LRRIQ1: variants seen among roughly 807,000 people sequenced by gnomAD.
The protein encoded by LRRIQ1 is leucine-rich repeat- and IQ domain-containing protein 1.
A neutral mutation model predicts 211.9 loss-of-function variants in LRRIQ1; 210 were observed. The ratio of observed to expected loss-of-function variants is 0.99; its 90% CI spans 0.89 to 1.11. LRRIQ1 has a LOEUF of 1.11. LRRIQ1 is among the 50% of genes most tolerant of loss of function. The probability of loss-of-function intolerance (pLI) is 0.00; values close to 1 mark genes in which losing one functional copy is unlikely to be tolerated. For missense variants in LRRIQ1, 2,136 were observed against 1,939.5 expected (o/e 1.10, Z -1.90); for synonymous variants, 699 against 650.1 (o/e 1.08, Z -1.14).
rs1880904841 is a variant in LRRIQ1 at position 85,055,579 on chromosome 12, A to G, written c.786A>G (p.Glu262=). 1.3e-6 allele frequency: 2 copies of G among 1,550,278 alleles called. No individual in the cohort carries two copies. The highest frequency in any genetic ancestry group is 1.4e-5 in the African/African-American group (1 of 71,596). The change falls in exon 8 of 27, where the codon GAA becomes GAG. Residue 262 remains glutamate, a synonymous_variant. Coordinates refer to ENST00000393217, the MANE Select transcript of LRRIQ1 (RefSeq NM_001079910.2). ...EYIRNLHLQM[E]EERTRFKDQQ... ...TTAGAAACTTGCATTTACAAATGGA[A>G]GAAGAAAGAACAAGATTTAAAGACC... is the stretch of plus-strand genomic sequence containing the variant.
rs894604222 is a variant in LRRIQ1, at chr12:85,124,690, A to T, written c.4007+171A>T. ...CATTATGTTTTCATGAGGTGCACAA[A>T]TCATTAATTATAGTGCATATTAATT... On this transcript the variant is annotated intron_variant, in intron 17 of 26. Coordinates refer to ENST00000393217, the MANE Select transcript of LRRIQ1 (RefSeq NM_001079910.2). The T allele has an allele frequency of 1.1e-4, 65 of 579,090 alleles. No individual in the cohort carries two copies. The African/African-American group carries it at 1.1e-3, about 10-fold the overall frequency. 35.9% of individuals were successfully genotyped at this position (579,090 alleles called of 1,614,324 possible). A position where few individuals can be genotyped will look rare whatever the true frequency, so the allele number is the denominator to read the frequency against.
intron 11 of LRRIQ1, among the ~76,000 whole-genome samples, chr12:85,075,736 A>C (rs1165764604): frequency 1.3e-5 from 2 of 151,908 alleles, no homozygotes; most frequent in African/African-American, 4.8e-5. Context: ...GTATGGTGGC[A>C]TGCTCCTGCA....
chr12:85,216,138 A>G (rs1379873488), intron 24 of LRRIQ1, among the ~76,000 whole-genome samples: 1 of 152,128 alleles, frequency 6.6e-6, no homozygotes, highest in Non-Finnish European at 1.5e-5. Context: ...CGTCATCTAC[A>G]TTAGGTATTT....
intron 8 of LRRIQ1, among the ~76,000 whole-genome samples, chr12:85,058,660 T>C (rs1228651171): frequency 2.0e-5 from 3 of 152,042 alleles, no homozygotes; most frequent in African/African-American, 7.2e-5. Flanking sequence ...TTCGAACGTT[T>C]GTCAATTTAC....
At chr12:85,079,148 G>A (rs1883995238) in intron 11 of LRRIQ1, among the ~76,000 whole-genome samples, 1 of 151,056 alleles carries the variant, frequency 6.6e-6, no homozygotes, top group Non-Finnish European at 1.5e-5. Flanking sequence ...TATGAAAGCA[G>A]TACTGACTTT....
chr12:85,246,539 C>T (rs1895723943), downstream of LRRIQ1, among the ~76,000 whole-genome samples: 1 of 151,388 alleles, frequency 6.6e-6, no homozygotes, highest in Non-Finnish European at 1.5e-5. Flanking sequence ...ACATGAATAG[C>T]TCAATAAATC....
intron 24 of LRRIQ1, 88 bp from the exon 25 acceptor site, chr12:85,229,429 G>A (rs1465402695): frequency 2.9e-6 from 3 of 1,017,044 alleles, no homozygotes; most frequent in Non-Finnish European, 4.1e-6. Context: ...TTTCTTTCTT[G>A]TGATAAAATG....
intron 26 of LRRIQ1, among the ~76,000 whole-genome samples, chr12:85,234,413 A>T (rs1895084178): frequency 2.6e-5 from 4 of 152,180 alleles, no homozygotes. Flanking sequence ...ACAATGATAC[A>T]TTTTGTTTTC....
intron 19 of LRRIQ1, among the ~76,000 whole-genome samples, chr12:85,140,007 CTG>C (rs34805575): frequency 0.22 from 33,004 of 150,844 alleles, 4,252 homozygotes; most frequent in Admixed American, 0.31. Flanking sequence ...GGAAAAAAAA[CTG>C]TGTTTCTACT....
chr12:85,208,009 T>C (rs939984951), intron 24 of LRRIQ1, among the ~76,000 whole-genome samples: 26 of 136,570 alleles, frequency 1.9e-4, no homozygotes, highest in African/African-American at 8.2e-4. Flanking sequence ...AACTTTCCTC[T>C]CATGTTCCTT....
At position 85,150,586 on chromosome 12, in the gene LRRIQ1, CT is replaced by C. The variant is rs534369154; in HGVS notation, c.4330-1686del. On this transcript the variant is annotated intron_variant, in intron 19 of 26. Coordinates refer to ENST00000393217, the MANE Select transcript of LRRIQ1 (RefSeq NM_001079910.2). ...ATACATTAGAAATAAATGGCCGTAT[CT>C]TTTTTTTCTGTAATTTTCCAAAAGT... is the stretch of plus-strand genomic sequence containing the variant. Among the ~76,000 whole-genome samples, 9 of 151,506 alleles carry C rather than the reference CT, an allele frequency of 5.9e-5. No individual in the cohort carries two copies. The South Asian group carries it at 6.2e-4, about 10-fold the overall frequency.
In LRRIQ1 at chr12:85,056,801, A is replaced by G; in HGVS notation, c.2008A>G (p.Lys670Glu). Residue 670 changes from lysine (K) to glutamate (E), a missense_variant, in exon 8 of 27, where the codon AAA becomes GAA. Transcript: ENST00000393217. Reference protein sequence around the residue: ...TTDTMINIEGKRNDQDYVLGR... With the variant: ...TTDTMINIEGERNDQDYVLGR... ...TGATACCATGATAAATATAGAAGGC[A>G]AAAGAAATGACCAAGATTATGTGTT... is the stretch of plus-strand genomic sequence containing the variant. The G allele has an allele frequency of 1.2e-6, 2 of 1,610,536 alleles. No individual in the cohort carries two copies. The highest frequency in any genetic ancestry group is 1.7e-6 in the Non-Finnish European group (2 of 1,178,834).
intron 24 of LRRIQ1, among the ~76,000 whole-genome samples, chr12:85,187,667 G>T (rs1221426707): frequency 6.6e-6 from 1 of 151,548 alleles, no homozygotes; most frequent in Non-Finnish European, 1.5e-5. Flanking sequence ...AAAATAGCTG[G>T]GCGTGGTGGC....
chr12:85,193,852 G>A (rs1217054241), intron 24 of LRRIQ1, among the ~76,000 whole-genome samples: 3 of 148,880 alleles, frequency 2.0e-5, no homozygotes, highest in African/African-American at 7.4e-5. Flanking sequence ...TGGACTAAAT[G>A]CTCCAATTAA....
intron 24 of LRRIQ1, among the ~76,000 whole-genome samples, chr12:85,180,729 T>C (rs573730216): frequency 1.6e-4 from 25 of 152,090 alleles, no homozygotes; most frequent in African/African-American, 6.0e-4. Context: ...GTTCAATGAA[T>C]GTATTGAACT....
chr12:85,070,953 T>A (rs994793966), intron 10 of LRRIQ1, among the ~76,000 whole-genome samples: 1 of 151,996 alleles, frequency 6.6e-6, no homozygotes, highest in Non-Finnish European at 1.5e-5. Flanking sequence ...TAAAATAGTA[T>A]GTTATAAAAT....
At chr12:85,174,885 C>T (rs1221820882) in intron 24 of LRRIQ1, among the ~76,000 whole-genome samples, 1 of 151,758 alleles carries the variant, frequency 6.6e-6, no homozygotes, top group Non-Finnish European at 1.5e-5. Flanking sequence ...ATCTTTTTGG[C>T]CCATATTTGA....
chr12:85,047,971 G>T (rs1323109036), intron 6 of LRRIQ1: 3 of 154,050 alleles, frequency 1.9e-5, no homozygotes, highest in Admixed American at 6.5e-5. Context: ...CATTTCTGTC[G>T]TATGTGTTGT....
At chr12:85,249,384 ATATC>A (rs1475623974), downstream of LRRIQ1, among the ~76,000 whole-genome samples, 1 of 151,814 alleles carries the variant, frequency 6.6e-6, no homozygotes, top group African/African-American at 2.4e-5. Flanking sequence ...ATGTATATGA[ATATC>A]TAATTTTTGC....
Sources: allele counts gnomAD v4.1 joint callset (sites outside exome capture counted in the v4.1 genomes callset), GRCh38; gene constraint gnomAD v4.1.1; transcripts MANE v1.5; gene names NCBI Gene and HGNC (gene_info 2026-07-23, HGNC 2026-07-21).